The following RIC3 variants were observed in gnomAD, a reference collection of about 807,000 sequenced individuals.
RIC3 encodes RIC3 acetylcholine receptor chaperone.
In RIC3, 28 loss-of-function variants were observed where a neutral mutation model predicts 27.3. The ratio of observed to expected loss-of-function variants is 1.02; its 90% CI spans 0.76 to 1.41. The LOEUF is 1.41. RIC3 is among the 40% of genes most tolerant of loss of function. RIC3 has a pLI of 0.00. For synonymous variants in RIC3, 184 were observed against 160.4 expected (o/e 1.15, Z -1.11); for missense variants, 501 against 444.7 (o/e 1.13, Z -1.14).
At chr11:8,141,784 C>A (rs1302782836) in intron 1 of RIC3, among the ~76,000 whole-genome samples, 1 of 151,164 alleles carries the variant, frequency 6.6e-6, no homozygotes, top group African/African-American at 2.4e-5. Context: ...GGAAGTAAAG[C>A]TCTCCTCAGC....
rs749294385 is a variant in RIC3 at position 8,168,861 on chromosome 11, C to T, written c.124+5G>A. The T allele has an allele frequency of 1.9e-6, 3 of 1,611,502 alleles. No individual in the cohort carries two copies. Among genetic ancestry groups the T allele is most frequent in the Non-Finnish European group, 2.5e-6 (3 of 1,178,746 alleles). Reference sequence around the variant, plus strand: ...GAAGCTCAGAGGGAGCTGGCCTGCTCTTACCTTCAGGTGTCGGCGGCGGCT... The same window carrying T: ...GAAGCTCAGAGGGAGCTGGCCTGCTTTTACCTTCAGGTGTCGGCGGCGGCT... On this transcript the variant is annotated splice_donor_5th_base_variant and intron_variant, in intron 1 of 5. Transcript: ENST00000309737.
intron 5 of RIC3, among the ~76,000 whole-genome samples, chr11:8,118,670 C>A (rs1375950208): frequency 6.6e-6 from 1 of 151,662 alleles, no homozygotes; most frequent in Non-Finnish European, 1.5e-5. Flanking sequence ...GAGTTCGAGA[C>A]CAGCCTGACC....
intron 1 of RIC3, among the ~76,000 whole-genome samples, chr11:8,155,694 G>C (rs1950602689): frequency 6.6e-6 from 1 of 152,104 alleles, no homozygotes; most frequent in African/African-American, 2.4e-5. Context: ...AGAGTTTTCT[G>C]AAAGCAACAT....
intron 4 of RIC3, among the ~76,000 whole-genome samples, chr11:8,134,257 A>G (rs1030939066): frequency 4.0e-5 from 6 of 151,856 alleles, no homozygotes; most frequent in Non-Finnish European, 7.4e-5. Context: ...TTGGTTTTTT[A>G]TCCTTGCAAT....
intron 5 of RIC3, among the ~76,000 whole-genome samples, chr11:8,125,970 T>C (rs1355184970): frequency 6.6e-6 from 1 of 152,108 alleles, no homozygotes; most frequent in Non-Finnish European, 1.5e-5. Context: ...ACCCACGAGG[T>C]AGAGGTTGCA....
the RIC3 span, among the ~76,000 whole-genome samples, chr11:8,094,611 T>C: frequency 6.6e-6 from 1 of 152,194 alleles, no homozygotes; most frequent in Non-Finnish European, 1.5e-5. Context: ...CTTCGTATAA[T>C]GTGGACTTCC....
downstream of RIC3, chr11:8,104,069 C>T (rs1340634667): frequency 6.6e-6 from 1 of 152,254 alleles, no homozygotes; most frequent in Non-Finnish European, 1.5e-5. Flanking sequence ...TCCTGGTTTT[C>T]CTTGACCACT....
intron 2 of RIC3, chr11:8,138,592 C>T (rs942692273): frequency 2.9e-5 from 13 of 444,974 alleles, no homozygotes; most frequent in African/African-American, 2.4e-4. Context: ...GACTTTACTC[C>T]CCATATAATT....
chr11:8,141,127 C>T (rs369195368), intron 1 of RIC3, among the ~76,000 whole-genome samples: 48 of 148,796 alleles, frequency 3.2e-4, no homozygotes, highest in Admixed American at 1.3e-3. Flanking sequence ...CATCAACTAA[C>T]GAGCAAAATC....
intron 1 of RIC3, among the ~76,000 whole-genome samples, chr11:8,153,624 C>T (rs1243664768): frequency 1.6e-4 from 25 of 152,108 alleles, no homozygotes; most frequent in Admixed American, 1.6e-3. Flanking sequence ...TTTGTCTCAG[C>T]CTGTTCTTTC....
In RIC3 at chr11:8,138,253, A is replaced by T. The variant is rs746985714; in HGVS notation, c.427+19T>A. The T allele has an allele frequency of 6.4e-7, 1 of 1,559,094 alleles. No homozygotes were observed. Among genetic ancestry groups the T allele is most frequent in the African/African-American group, 1.4e-5 (1 of 73,720 alleles). On this transcript the variant is annotated intron_variant, in intron 3 of 5. Coordinates refer to ENST00000309737, the MANE Select transcript of RIC3 (RefSeq NM_001206671.4). Reference sequence around the variant, plus strand: ...TTGACTCAATAATACCTGTGAATATACTGAGAAGGGGCACTTACTAATTTT... The same window carrying T: ...TTGACTCAATAATACCTGTGAATATTCTGAGAAGGGGCACTTACTAATTTT...
rs1565056932 is a variant in RIC3, at chr11:8,139,949, T to TA, written c.351+17dup. ...TAGATTTTCATTGATGTAATATGAT[T>TA]AGGATGATTCTACTTACCTTAAATA... On this transcript the variant is annotated intron_variant, in intron 2 of 5. Transcript: ENST00000309737. The TA allele has an allele frequency of 6.3e-7, 1 of 1,594,310 alleles. No homozygotes were observed. The highest frequency in any genetic ancestry group is 1.1e-5 in the South Asian group (1 of 90,352).
At chr11:8,126,545 G>A (rs1165197447) in intron 5 of RIC3, 114 bp downstream of exon 5, 1 of 1,211,268 alleles carries the variant, frequency 8.3e-7, no homozygotes, top group Non-Finnish European at 1.1e-6. Flanking sequence ...TTTAAAACTG[G>A]TTAATATTAC....
chr11:8,102,795 T>C (rs764482297), downstream of RIC3: 1 of 152,168 alleles, frequency 6.6e-6, no homozygotes, highest in Admixed American at 6.5e-5. Context: ...TGAGTCACAC[T>C]CAGAAAATGG....
At chr11:8,140,923 G>A (rs1948983584) in intron 1 of RIC3, among the ~76,000 whole-genome samples, 1 of 150,148 alleles carries the variant, frequency 6.7e-6, no homozygotes. Context: ...TTCATATCCA[G>A]CCAAACTAAG....
downstream of RIC3, chr11:8,102,005 G>A (rs375612319): frequency 6.3e-5 from 14 of 220,748 alleles, no homozygotes; most frequent in East Asian, 1.1e-4. Flanking sequence ...CCAGTCGTCC[G>A]CTCAGCCAAG....
At chr11:8,104,200 T>C (rs987201218), downstream of RIC3, 1 of 152,228 alleles carries the variant, frequency 6.6e-6, no homozygotes, top group African/African-American at 2.4e-5. Context: ...GGATGGATGG[T>C]CTTTGGGCAG....
At chr11:8,129,692 G>A (rs1947452659) in intron 4 of RIC3, among the ~76,000 whole-genome samples, 1 of 152,214 alleles carries the variant, frequency 6.6e-6, no homozygotes, top group Non-Finnish European at 1.5e-5. Flanking sequence ...GTTAAGTACA[G>A]AGAATTAAAT....
chr11:8,138,139 GC>G (rs1434763127), intron 3 of RIC3, 132 bp downstream of exon 3: 2 of 596,524 alleles, frequency 3.4e-6, no homozygotes, highest in Non-Finnish European at 5.8e-6. Flanking sequence ...CAGAACTAAG[GC>G]AAAAATGGCA....
Sources: allele counts gnomAD v4.1 joint callset (sites outside exome capture counted in the v4.1 genomes callset), GRCh38; gene constraint gnomAD v4.1.1; transcripts MANE v1.5; gene names NCBI Gene and HGNC (gene_info 2026-07-23, HGNC 2026-07-21).